TBC1D4: variants seen among roughly 807,000 people sequenced by gnomAD.
The protein encoded by TBC1D4 is TBC (Tre-2, BUB2, CDC16) domain-containing protein.
TBC1D4 carries 121 observed loss-of-function variants against 142.5 expected under a neutral mutation model. That is an observed-to-expected ratio of 0.85 (90% CI 0.73 to 0.99). The LOEUF (loss-of-function observed/expected upper bound fraction) is 0.99. Among genes scored for constraint, TBC1D4 ranks in the 50% least tolerant of loss-of-function variants. The probability of loss-of-function intolerance (pLI) is 0.00; values close to 1 mark genes in which losing one functional copy is unlikely to be tolerated. For synonymous variants in TBC1D4, 630 were observed against 628.2 expected, an observed-to-expected ratio of 1.00 and a Z score of -0.04; for missense variants, 1,475 against 1,606.6, an observed-to-expected ratio of 0.92 and a Z score of 1.40.
At chr13:75,445,489 T>A (rs1216426342) in intron 1 of TBC1D4, among the ~76,000 whole-genome samples, 1 of 152,160 alleles carries the variant, frequency 6.6e-6, no homozygotes, top group Admixed American at 6.5e-5. Context: ...CAGAAACCAC[T>A]CTAAGAATCC....
intron 14 of TBC1D4, among the ~76,000 whole-genome samples, chr13:75,307,753 T>C (rs1877326198): frequency 6.6e-6 from 1 of 152,202 alleles, no homozygotes; most frequent in African/African-American, 2.4e-5. Flanking sequence ...AGTCCAAACA[T>C]AATCTAAAGA....
chr13:75,403,310 C>G (rs964242246), intron 1 of TBC1D4, among the ~76,000 whole-genome samples: 1 of 152,096 alleles, frequency 6.6e-6, no homozygotes, highest in African/African-American at 2.4e-5. Flanking sequence ...GTTCTAGTTT[C>G]GCAGCTAGCA....
chr13:75,323,577 T>C lies in TBC1D4; in HGVS notation c.2198+660A>G, dbSNP rs116178308. Among the ~76,000 whole-genome samples, 1,290 of 152,314 alleles carry C rather than the reference T, an allele frequency of 8.5e-3. 27 individuals are homozygous for C. The highest frequency in any genetic ancestry group is 0.03 in the African/African-American group (1,228 of 41,578). On this transcript the variant is annotated intron_variant, in intron 11 of 20. Coordinates refer to ENST00000377636, the MANE Select transcript of TBC1D4 (RefSeq NM_014832.5). ...AACAAGAATAAGATTTAACAGGCTATACATTTTCCATACTGGGGATAAAAA... is the reference window on the plus strand; with the variant it reads ...AACAAGAATAAGATTTAACAGGCTACACATTTTCCATACTGGGGATAAAAA...
At position 75,341,723 on chromosome 13, in the gene TBC1D4, C is replaced by A. The variant is rs9888477; in HGVS notation, c.1409-136G>T. ...TCTCAAGGAGACGTGTTCCTGCCTA[C>A]AAGAAACCTTGGAATACTACATTGA... On this transcript the variant is annotated intron_variant, in intron 5 of 20. Transcript: ENST00000377636. The A allele has an allele frequency of 0.46, 332,621 of 727,800 alleles. 81,513 individuals are homozygous for A. The highest frequency in any genetic ancestry group is 0.66 in the East Asian group (24,581 of 37,314). The allele number at this position is 727,800 out of a possible 1,614,324, so 45.1% of individuals were successfully genotyped here.
At chr13:75,455,474 G>A (rs1887695206) in intron 1 of TBC1D4, among the ~76,000 whole-genome samples, 1 of 152,154 alleles carries the variant, frequency 6.6e-6, no homozygotes, top group Admixed American at 6.5e-5. Context: ...AAGTGCCGTG[G>A]GACAGGTCTA....
chr13:75,340,817 A>C (rs1269385717), intron 7 of TBC1D4, among the ~76,000 whole-genome samples: 2 of 152,092 alleles, frequency 1.3e-5, no homozygotes, highest in Non-Finnish European at 2.9e-5. Context: ...GTGGTGGTGC[A>C]TGCCTGTAGT....
chr13:75,439,709 A>G (rs1461419821), intron 1 of TBC1D4, among the ~76,000 whole-genome samples: 3 of 152,006 alleles, frequency 2.0e-5, no homozygotes, highest in African/African-American at 7.2e-5. Flanking sequence ...GCAGTGGCGC[A>G]GTCTGGACAG....
chr13:75,393,655 G>C (rs926661239), intron 1 of TBC1D4, among the ~76,000 whole-genome samples: 4 of 152,072 alleles, frequency 2.6e-5, no homozygotes, highest in Admixed American at 2.0e-4. Context: ...TCTTTGGCTG[G>C]GCACAGTGGC....
intron 7 of TBC1D4, among the ~76,000 whole-genome samples, chr13:75,339,918 C>T (rs1666253626): frequency 6.6e-6 from 1 of 152,160 alleles, no homozygotes; most frequent in Admixed American, 6.5e-5. Flanking sequence ...GTTTATCTCT[C>T]CTAAAATTCC....
chr13:75,410,075 G>A (rs562000871), intron 1 of TBC1D4, among the ~76,000 whole-genome samples: 2 of 152,220 alleles, frequency 1.3e-5, no homozygotes, highest in South Asian at 2.1e-4. Context: ...CAAAATAACA[G>A]CACTCTCAGA....
At chr13:75,425,905 T>C (rs1388374313) in intron 1 of TBC1D4, among the ~76,000 whole-genome samples, 4 of 152,134 alleles carry the variant, frequency 2.6e-5, no homozygotes, top group Non-Finnish European at 5.9e-5. Flanking sequence ...ATGGTGACCA[T>C]AGTTAATAAT....
chr13:75,326,797 G>A (rs1879304228), intron 9 of TBC1D4, among the ~76,000 whole-genome samples: 1 of 152,128 alleles, frequency 6.6e-6, no homozygotes, highest in Non-Finnish European at 1.5e-5. Flanking sequence ...CCAGAGAGAT[G>A]AAAAAAAGAT....
At chr13:75,461,603 AT>A (rs1464575384) in intron 1 of TBC1D4, among the ~76,000 whole-genome samples, 3 of 152,248 alleles carry the variant, frequency 2.0e-5, no homozygotes, top group African/African-American at 7.2e-5. Context: ...TAAATGTCAT[AT>A]TATTTATAGA....
intron 16 of TBC1D4, 58 bp from the exon 17 acceptor site, chr13:75,299,632 A>C: frequency 6.2e-7 from 1 of 1,603,306 alleles, no homozygotes; most frequent in South Asian, 1.1e-5. Flanking sequence ...TGGAGACAAC[A>C]GTGAAATTGC....
At chr13:75,291,954 T>G (rs1325948302) in intron 19 of TBC1D4, 148 bp downstream of exon 19, 6 of 703,600 alleles carry the variant, frequency 8.5e-6, no homozygotes, top group Middle Eastern at 4.0e-4. Context: ...AATGTCACAG[T>G]GTAGAAATTT....
intron 1 of TBC1D4, among the ~76,000 whole-genome samples, chr13:75,398,861 T>C (rs1593842300): frequency 6.6e-6 from 1 of 152,144 alleles, no homozygotes; most frequent in African/African-American, 2.4e-5. Flanking sequence ...CAGACCCACT[T>C]ATCTAGACAA....
intron 1 of TBC1D4, among the ~76,000 whole-genome samples, chr13:75,444,844 A>G (rs1362978730): frequency 6.6e-6 from 1 of 152,046 alleles, no homozygotes; most frequent in East Asian, 1.9e-4. Flanking sequence ...ATGGGTCTAC[A>G]TTTCTCTACT....
intron 1 of TBC1D4, among the ~76,000 whole-genome samples, chr13:75,365,498 CTTGTATTGAAGCATTTACT>C (rs1173090078): frequency 6.6e-6 from 1 of 152,078 alleles, no homozygotes; most frequent in African/African-American, 2.4e-5. Flanking sequence ...TCATGAAAAT[CTTGTATTGAAGCATTTACT>C]TAAGGGATTC....
intron 1 of TBC1D4, among the ~76,000 whole-genome samples, chr13:75,414,421 C>T (rs1031183276): frequency 6.6e-6 from 1 of 152,132 alleles, no homozygotes. Flanking sequence ...TGAGGAGCTA[C>T]CCACGAAAAG....
Sources: allele counts gnomAD v4.1 joint callset (sites outside exome capture counted in the v4.1 genomes callset), GRCh38; gene constraint gnomAD v4.1.1; transcripts MANE v1.5; gene names NCBI Gene and HGNC (gene_info 2026-07-23, HGNC 2026-07-21).